The following GREB1 variants were observed in gnomAD, a reference collection of about 807,000 sequenced individuals.
GREB1 encodes protein GREB1.
In GREB1, 106 loss-of-function variants were observed where a neutral mutation model predicts 200.7. The observed-to-expected ratio is 0.53, with a 90% CI of 0.45 to 0.62. The LOEUF (loss-of-function observed/expected upper bound fraction) is 0.62, where lower values mean the gene tolerates loss of function less well. Ranked by LOEUF, GREB1 falls within the 20% of genes least tolerant of loss-of-function variation. The pLI is 0.00. For synonymous variants in GREB1, 1,132 were observed against 1,092.4 expected, an observed-to-expected ratio of 1.04 and a Z score of -0.72; for missense variants, 2,243 against 2,556.8, an observed-to-expected ratio of 0.88 and a Z score of 2.65.
intron 18 of GREB1, among the ~76,000 whole-genome samples, chr2:11,612,054 T>A (rs1682982424): frequency 6.6e-6 from 1 of 151,942 alleles, no homozygotes. Context: ...ATTAGCCAGA[T>A]GGGGTGGCGT....
chr2:11,593,185 CCTT>C lies in GREB1; in HGVS notation c.1696+60_1696+62del, dbSNP rs1302731584. 2.5e-6 allele frequency: 3 copies of C among 1,194,608 alleles called. No homozygotes were observed. The East Asian group carries it at 7.9e-5, about 32-fold the overall frequency. The allele number at this position is 1,194,608 out of a possible 1,614,324, so 74.0% of individuals were successfully genotyped here. A position where few individuals can be genotyped will look rare whatever the true frequency, so the allele number is the denominator to read the frequency against. ...CCCTGAACGGTGTTCCCGGTCCCCTCCTTTGGTGGTTCTCTCCCTTTCTGTCTA... is the reference window on the plus strand; with the variant it reads ...CCCTGAACGGTGTTCCCGGTCCCCTCTGGTGGTTCTCTCCCTTTCTGTCTA... On this transcript the variant is annotated intron_variant, in intron 11 of 32. Transcript: ENST00000381486.
intron 12 of GREB1, 142 bp downstream of exon 12, chr2:11,595,521 G>A: frequency 3.9e-6 from 3 of 759,834 alleles, no homozygotes; most frequent in Non-Finnish European, 6.3e-6. Flanking sequence ...CTGTGCACTT[G>A]CACTTCTGTC....
Position 11,620,858 on chromosome 2 carries a change from C to T in GREB1, c.4045-47C>T, listed in dbSNP as rs6737304. Reference sequence around the variant, plus strand: ...AGGTGTTCAGCCGGTGCCTGGCACGCGGATGGGGCTTCCTCACTGGGGGTT... The same window carrying T: ...AGGTGTTCAGCCGGTGCCTGGCACGTGGATGGGGCTTCCTCACTGGGGGTT... On this transcript the variant is annotated intron_variant, in intron 22 of 32. Coordinates refer to ENST00000381486, the MANE Select transcript of GREB1 (RefSeq NM_014668.4). The T allele has an allele frequency of 0.011, 12,549 of 1,141,014 alleles. 944 individuals are homozygous for T. In the African/African-American group the frequency reaches 0.17, roughly 15 times the overall value. 70.7% of individuals were successfully genotyped at this position (1,141,014 alleles called of 1,614,324 possible).
intron 17 of GREB1, among the ~76,000 whole-genome samples, chr2:11,605,654 A>G (rs1168177944): frequency 6.6e-6 from 1 of 152,152 alleles, no homozygotes; most frequent in Admixed American, 6.5e-5. Flanking sequence ...GTAGAAATGT[A>G]GTTTGCATTT....
In GREB1 at chr2:11,631,945, A is replaced by G. The variant is rs755073313; in HGVS notation, c.4648A>G (p.Thr1550Ala). ...EYIKSPTFTP[T>A]TGRHEHGLFN... ...TATAAAAAGTCCGACATTCACTCCAACCACCGGCCGTCACGAACATGGGCT... is the reference window on the plus strand; with the variant it reads ...TATAAAAAGTCCGACATTCACTCCAGCCACCGGCCGTCACGAACATGGGCT... Residue 1550 changes from threonine to alanine, a missense_variant, in exon 27 of 33, where the codon ACC becomes GCC. Coordinates refer to ENST00000381486, the MANE Select transcript of GREB1 (RefSeq NM_014668.4). 6.2e-7 allele frequency: 1 copy of G among 1,614,012 alleles called. No homozygotes were observed. The highest frequency in any genetic ancestry group is 8.5e-7 in the Non-Finnish European group (1 of 1,179,962).
rs1683027272 is a variant in GREB1, at chr2:11,612,530, C to A, written c.3042C>A (p.Pro1014=). 1 of 1,612,836 alleles carries A rather than the reference C, an allele frequency of 6.2e-7. No individual in the cohort carries two copies. ...WQKIEDVEWR[P]QTYLELEGLP... is the part of the protein sequence containing the mutation. The stretch of plus-strand genomic sequence containing the variant: ...AAATTGAGGATGTGGAGTGGAGACC[C>A]CAGACTTACTTGGAGCTGGAGGGTC... Residue 1014 remains proline (P), a synonymous_variant, in exon 19 of 33, where the codon CCC becomes CCA. Coordinates refer to ENST00000381486, the MANE Select transcript of GREB1 (RefSeq NM_014668.4).
At chr2:11,617,231 C>T (rs1343752960) in intron 21 of GREB1, among the ~76,000 whole-genome samples, 1 of 152,224 alleles carries the variant, frequency 6.6e-6, no homozygotes, top group Admixed American at 6.5e-5. Context: ...CGGTCTCTGC[C>T]CTAAGGGGTT....
At position 11,548,137 on chromosome 2, in the gene GREB1, A is replaced by T. The variant is rs1021957302; in HGVS notation, c.-161-8317A>T. On this transcript the variant is annotated intron_variant, in intron 1 of 32. Coordinates refer to ENST00000381486, the MANE Select transcript of GREB1 (RefSeq NM_014668.4). This position sits in a 1 kb window ranked among gnomAD's most constrained non-coding sequence, Gnocchi z 5.1. ...GGCTACAGTGAGCTGTGACTGCACC[A>T]CTGCACTACAGCTGGGCAACAGAGC... Among the ~76,000 whole-genome samples, 5 of 151,856 alleles carry T rather than the reference A, an allele frequency of 3.3e-5. No homozygotes were observed. Among genetic ancestry groups the T allele is most frequent in the African/African-American group, 9.7e-5 (4 of 41,326 alleles).
chr2:11,631,917 A>G lies in GREB1; in HGVS notation c.4620A>G (p.Glu1540=). The change falls in exon 27 of 33, where the codon GAA becomes GAG. Residue 1540 remains glutamate (E), a synonymous_variant. Transcript: ENST00000381486. ...ATACCTGTACTTTGCAGAGCCATGA[A>G]TATATAAAAAGTCCGACATTCACTC... ...RLPLVTDKSH[E]YIKSPTFTPT... The G allele has an allele frequency of 1.9e-6, 3 of 1,613,148 alleles. No individual in the cohort carries two copies. The highest frequency in any genetic ancestry group is 2.2e-5 in the South Asian group (2 of 91,056).
Position 11,618,885 on chromosome 2 carries a change from A to AC in GREB1, c.4015dup (p.Arg1339ProfsTer38), listed in dbSNP as rs1173501333. On this transcript the variant is annotated frameshift_variant, in exon 22 of 33. Transcript: ENST00000381486. LOFTEE classifies it high-confidence loss of function. Reference sequence around the variant, plus strand: ...GCCGAGGGCCGCGTGGACGGCTTCCACCCCCGCAGGCTGCTGCTCAGCGGC... The same window carrying AC: ...GCCGAGGGCCGCGTGGACGGCTTCCACCCCCCGCAGGCTGCTGCTCAGCGGC... 4 of 1,556,546 alleles carry AC rather than the reference A, an allele frequency of 2.6e-6. No individual in the cohort carries two copies. Among genetic ancestry groups the AC allele is most frequent in the Non-Finnish European group, 3.5e-6 (4 of 1,156,376 alleles).
chr2:11,581,410 T>C, intron 7 of GREB1: 1 of 195,178 alleles, frequency 5.1e-6, no homozygotes, highest in South Asian at 1.4e-4. Context: ...AGGGAAGGCT[T>C]CCTGGAGGAG....
At chr2:11,528,842 T>C (rs78134239) in intron 1 of GREB1, among the ~76,000 whole-genome samples, 1,759 of 152,316 alleles carry the variant, frequency 0.012, 43 homozygotes, top group African/African-American at 0.039. Context: ...ATTAATTAAA[T>C]TGAATAAAGA....
intron 1 of GREB1, among the ~76,000 whole-genome samples, chr2:11,520,889 T>G (rs940981599): frequency 6.6e-6 from 1 of 152,146 alleles, no homozygotes; most frequent in Non-Finnish European, 1.5e-5. Flanking sequence ...TACCATTCTC[T>G]TCCTCTTACA....
chr2:11,488,260 G>A (rs953216757), intron 1 of GREB1, among the ~76,000 whole-genome samples: 1 of 152,134 alleles, frequency 6.6e-6, no homozygotes, highest in Non-Finnish European at 1.5e-5. Flanking sequence ...TCTCTGTTGG[G>A]TGGTCAACCT....
At chr2:11,560,973 A>G (rs1044158606) in intron 2 of GREB1, among the ~76,000 whole-genome samples, 2 of 152,170 alleles carry the variant, frequency 1.3e-5, no homozygotes, top group Non-Finnish European at 2.9e-5. Flanking sequence ...GCTGCCCAAC[A>G]CACAGTCATA....
intron 1 of GREB1, among the ~76,000 whole-genome samples, chr2:11,512,036 C>T (rs367820306): frequency 2.0e-5 from 3 of 152,246 alleles, no homozygotes; most frequent in East Asian, 3.9e-4. Context: ...TAGCCTGTAG[C>T]GAGTGGAATT....
At chr2:11,637,967 G>T in intron 31 of GREB1, 51 bp downstream of exon 31, 1 of 1,459,188 alleles carries the variant, frequency 6.9e-7, no homozygotes, top group Non-Finnish European at 9.6e-7. Flanking sequence ...GAAATCTCTA[G>T]AACCAATGGG....
In GREB1 at chr2:11,610,812, A is replaced by C; in HGVS notation, c.2791A>C (p.Ile931Leu). The change falls in exon 18 of 33, where the codon ATC becomes CTC. Residue 931 changes from isoleucine to leucine, a missense_variant. Transcript: ENST00000381486. Reference sequence around the variant, plus strand: ...CTACACGTCGGTGGAGACGCTGGAGATCACGCAGAACCTCCTCAACTCCCC... The same window carrying C: ...CTACACGTCGGTGGAGACGCTGGAGCTCACGCAGAACCTCCTCAACTCCCC... The part of the protein sequence containing the change: ...KNYTSVETLE[I>L]TQNLLNSPKQ... The C allele has an allele frequency of 6.2e-7, 1 of 1,613,416 alleles. No homozygotes were observed. Among genetic ancestry groups the C allele is most frequent in the Non-Finnish European group, 8.5e-7 (1 of 1,179,948 alleles).
At chr2:11,588,367 C>T in intron 9 of GREB1, 1 of 853,040 alleles carries the variant, frequency 1.2e-6, no homozygotes, top group South Asian at 2.2e-5. Flanking sequence ...TGGCAGGCAG[C>T]ACCCAGTGAA....
Sources: allele counts gnomAD v4.1 joint callset (sites outside exome capture counted in the v4.1 genomes callset), GRCh38; gene constraint gnomAD v4.1.1; non-coding constraint Gnocchi (gnomAD v3.1); transcripts MANE v1.5; gene names NCBI Gene and HGNC (gene_info 2026-07-23, HGNC 2026-07-21).